GDA: variants seen among roughly 807,000 people sequenced by gnomAD.
The protein encoded by GDA is guanine deaminase.
In GDA, 18 loss-of-function variants were observed where a neutral mutation model predicts 59.6. The ratio of observed to expected loss-of-function variants is 0.30; its 90% CI spans 0.21 to 0.45. The LOEUF is 0.45. Among genes scored for constraint, GDA ranks in the 20% least tolerant of loss-of-function variants. The pLI, the probability that GDA is intolerant of heterozygous loss-of-function variation, is 1.00. For synonymous variants in GDA, 201 were observed against 201.1 expected (o/e 1.00, Z 0.00); for missense variants, 427 against 552.3 (o/e 0.77, Z 2.27).
intron 2 of GDA, among the ~76,000 whole-genome samples, chr9:72,201,152 A>G (rs1833953700): frequency 6.6e-6 from 1 of 151,336 alleles, no homozygotes; most frequent in African/African-American, 2.4e-5. Flanking sequence ...TGATGCTACT[A>G]CTATCTCCAT....
At chr9:72,214,080 C>A in intron 5 of GDA, 89 bp downstream of exon 5, 1 of 755,630 alleles carries the variant, frequency 1.3e-6, no homozygotes, top group Non-Finnish European at 2.3e-6. Flanking sequence ...AAACAGGATA[C>A]TGTTATCACC....
chr9:72,146,149 T>C (rs893527784), upstream of GDA, among the ~76,000 whole-genome samples: 2 of 42,042 alleles, frequency 4.8e-5, no homozygotes, highest in African/African-American at 2.0e-4. Context: ...GGTTGGGGGT[T>C]GGGGGAGTGG....
chr9:72,138,897 A>T (rs1826341320), intron 1 of GDA, among the ~76,000 whole-genome samples: 1 of 152,262 alleles, frequency 6.6e-6, no homozygotes, highest in Admixed American at 6.5e-5. Context: ...CAGTGACAAC[A>T]GCAACATCAA....
rs71493640 is a variant in GDA at position 72,189,166 on chromosome 9, C to CTTTTTTT, written c.124-6310_124-6304dup. On this transcript the variant is annotated intron_variant, in intron 1 of 13. Coordinates refer to ENST00000358399, the MANE Select transcript of GDA (RefSeq NM_004293.5). ...CATCTGATACAGAGGAGACTCTAGACTTTTTTTTTTTTTTTTTTTTTTTTT... is the reference window on the plus strand; with the variant it reads ...CATCTGATACAGAGGAGACTCTAGACTTTTTTTTTTTTTTTTTTTTTTTTTTTTTTTT... Among the ~76,000 whole-genome samples the CTTTTTTT allele has an allele frequency of 3.3e-4, 18 of 54,940 alleles. 2 individuals are homozygous for CTTTTTTT. Among genetic ancestry groups the CTTTTTTT allele is most frequent in the African/African-American group, 1.1e-3 (10 of 8,734 alleles). The allele number at this position is 54,940 out of a possible 152,430, so 36.0% of individuals were successfully genotyped here. A position where few individuals can be genotyped will look rare whatever the true frequency, so the allele number is the denominator to read the frequency against.
intron 1 of GDA, among the ~76,000 whole-genome samples, chr9:72,130,616 G>C (rs1319896526): frequency 1.3e-5 from 2 of 152,314 alleles, no homozygotes; most frequent in Admixed American, 1.3e-4. Flanking sequence ...CTGGTGTATT[G>C]AAATAGACAT....
chr9:72,142,465 C>T (rs937416633), intron 1 of GDA, among the ~76,000 whole-genome samples: 7 of 151,262 alleles, frequency 4.6e-5, no homozygotes, highest in East Asian at 4.0e-4. Flanking sequence ...CCCAGCTACT[C>T]GGGAGGCTGA....
At chr9:72,203,439 A>G (rs1834265430) in intron 3 of GDA, among the ~76,000 whole-genome samples, 1 of 152,204 alleles carries the variant, frequency 6.6e-6, no homozygotes, top group African/African-American at 2.4e-5. Context: ...GTCATTGAAC[A>G]GTGGCAGTAG....
At position 72,163,321 on chromosome 9, in the gene GDA, G is replaced by T. The variant is rs535989367; in HGVS notation, c.123+13639G>T. On this transcript the variant is annotated intron_variant, in intron 1 of 13. Coordinates refer to ENST00000358399, the MANE Select transcript of GDA (RefSeq NM_004293.5). ...ATTTGGGAAGAAAAATTGCAATTTGGGGGGCATGCACACAGACCGACTGGC... is the reference window on the plus strand; with the variant it reads ...ATTTGGGAAGAAAAATTGCAATTTGTGGGGCATGCACACAGACCGACTGGC... 2.0e-5 allele frequency among the ~76,000 whole-genome samples: 3 copies of T among 152,156 alleles called. No individual in the cohort carries two copies. In the East Asian group the frequency reaches 5.8e-4, roughly 29 times the overall value.
chr9:72,126,635 C>T (rs1422912257), intron 1 of GDA, among the ~76,000 whole-genome samples: 3 of 147,114 alleles, frequency 2.0e-5, no homozygotes, highest in African/African-American at 7.6e-5. Context: ...GGCGCGATCT[C>T]GGCTCACTGC....
At chr9:72,191,538 C>T (rs1433797543) in intron 1 of GDA, among the ~76,000 whole-genome samples, 1 of 149,472 alleles carries the variant, frequency 6.7e-6, no homozygotes, top group Non-Finnish European at 1.5e-5. Flanking sequence ...GTGGTGCTAT[C>T]TTGGCTCACT....
At chr9:72,136,285 T>C (rs1341344183) in intron 1 of GDA, among the ~76,000 whole-genome samples, 1 of 152,228 alleles carries the variant, frequency 6.6e-6, no homozygotes, top group Non-Finnish European at 1.5e-5. Flanking sequence ...TACAGAAATG[T>C]TAAATATTTT....
intron 1 of GDA, among the ~76,000 whole-genome samples, chr9:72,137,211 A>AT (rs1826259226): frequency 9.1e-5 from 6 of 65,606 alleles, no homozygotes; most frequent in South Asian, 5.2e-4. Context: ...TAAATTAAAA[A>AT]AAAAAAAAAT....
At chr9:72,212,507 A>G (rs1239657112) in intron 4 of GDA, among the ~76,000 whole-genome samples, 1 of 151,940 alleles carries the variant, frequency 6.6e-6, no homozygotes, top group African/African-American at 2.4e-5. Context: ...TAGTAGCAGT[A>G]TGTTGCCTAG....
chr9:72,164,343 T>G (rs1829026429), intron 1 of GDA, among the ~76,000 whole-genome samples: 1 of 152,120 alleles, frequency 6.6e-6, no homozygotes, highest in South Asian at 2.1e-4. Flanking sequence ...GAGGGAGCAG[T>G]GCAGGTGTCA....
intron 1 of GDA, among the ~76,000 whole-genome samples, chr9:72,151,708 T>C: frequency 6.6e-6 from 1 of 151,556 alleles, no homozygotes; most frequent in East Asian, 1.9e-4. Flanking sequence ...CCCGGGTTCA[T>C]GCCATTCTCC....
chr9:72,230,932 T>C (rs545684750), intron 9 of GDA, among the ~76,000 whole-genome samples, 182 bp from the exon 10 acceptor site: 1 of 152,304 alleles, frequency 6.6e-6, no homozygotes, highest in Non-Finnish European at 1.5e-5. Context: ...GATTAGGCTA[T>C]TTTATGATCC....
At chr9:72,246,531 T>C (rs183531064) in intron 12 of GDA, among the ~76,000 whole-genome samples, 11 of 152,226 alleles carry the variant, frequency 7.2e-5, no homozygotes, top group African/African-American at 2.4e-4. Context: ...GATATTTTTA[T>C]GCTAGGTTTG....
In GDA at chr9:72,142,126, C is replaced by T. The variant is rs560705899; in HGVS notation, c.-100+27293C>T. On this transcript the variant is annotated intron_variant, in intron 1 of 13. Transcript: ENST00000545168. Reference sequence around the variant, plus strand: ...GCATTTGATTTGAATTATGTGAACTCGACATGCTAGATAGTTCATGTTCAT... The same window carrying T: ...GCATTTGATTTGAATTATGTGAACTTGACATGCTAGATAGTTCATGTTCAT... Among the ~76,000 whole-genome samples the T allele has an allele frequency of 5.9e-5, 9 of 152,128 alleles. No homozygotes were observed. In the South Asian group the frequency reaches 1.9e-3, roughly 32 times the overall value.
chr9:72,172,835 TCTTC>T (rs1299720628), intron 1 of GDA, among the ~76,000 whole-genome samples: 6 of 152,246 alleles, frequency 3.9e-5, no homozygotes, highest in Admixed American at 2.0e-4. Context: ...TTTTCTAATT[TCTTC>T]CTTCCTTCCA....
Sources: gnomAD v4.1 joint callset for allele counts (sites outside exome capture counted in the v4.1 genomes callset) on GRCh38, gnomAD v4.1.1 for gene constraint, MANE v1.5 for transcripts, NCBI Gene and HGNC (gene_info 2026-07-23, HGNC 2026-07-21) for gene names.